The following FBXO11 variants were observed in gnomAD, a reference collection of about 807,000 sequenced individuals.
FBXO11 encodes the protein F-box only protein 11.
In FBXO11, 13 loss-of-function variants were observed where a neutral mutation model predicts 117.0. The observed-to-expected ratio is 0.11, with a 90% CI of 0.07 to 0.18. FBXO11 has a LOEUF of 0.18. Among genes scored for constraint, FBXO11 ranks in the 10% least tolerant of loss-of-function variants. The probability of loss-of-function intolerance (pLI) is 1.00; values close to 1 mark genes in which losing one functional copy is unlikely to be tolerated. For synonymous variants in FBXO11, 490 were observed against 380.5 expected (o/e 1.29, Z -3.35); for missense variants, 767 against 1,164.4 (o/e 0.66, Z 4.97).
chr2:47,872,577 G>T (rs1358776030), intron 1 of FBXO11, among the ~76,000 whole-genome samples: 1 of 152,204 alleles, frequency 6.6e-6, no homozygotes, highest in Non-Finnish European at 1.5e-5. Context: ...GCGTGCCTCG[G>T]CATCCCAAAG....
intron 1 of FBXO11, among the ~76,000 whole-genome samples, chr2:47,900,711 T>C (rs546606289): frequency 7.8e-6 from 1 of 128,534 alleles, no homozygotes; most frequent in African/African-American, 3.1e-5. Context: ...CACGTGTATA[T>C]ATATACACGT....
chr2:47,857,466 TATGCAACCAG>T (rs1674394361), intron 1 of FBXO11, among the ~76,000 whole-genome samples: 1 of 152,108 alleles, frequency 6.6e-6, no homozygotes, highest in South Asian at 2.1e-4. Context: ...CTATACTATA[TATGCAACCAG>T]ATCATGTGAG....
intron 1 of FBXO11, among the ~76,000 whole-genome samples, chr2:47,898,075 A>C (rs1677813651): frequency 6.6e-6 from 1 of 152,232 alleles, no homozygotes. Flanking sequence ...AAAAAGAACA[A>C]AACATTTAAC....
At chr2:47,901,128 C>CATATAT (rs1262333844) in intron 1 of FBXO11, among the ~76,000 whole-genome samples, 6 of 84,502 alleles carry the variant, frequency 7.1e-5, no homozygotes, top group African/African-American at 9.7e-5. Context: ...CACGTGTGTA[C>CATATAT]ATGTATATAT....
At chr2:47,897,561 G>C (rs1677767583) in intron 1 of FBXO11, among the ~76,000 whole-genome samples, 1 of 152,088 alleles carries the variant, frequency 6.6e-6, no homozygotes. Context: ...GCCAGGCATG[G>C]TGGTGTGCAC....
At chr2:47,833,240 A>G (rs1408027649) in intron 7 of FBXO11, among the ~76,000 whole-genome samples, 170 bp from the exon 8 acceptor site, 1 of 152,246 alleles carries the variant, frequency 6.6e-6, no homozygotes, top group Admixed American at 6.5e-5. Context: ...ATCCATGCAC[A>G]GTATTACTTC....
At chr2:47,851,493 C>T (rs1273099882) in intron 1 of FBXO11, among the ~76,000 whole-genome samples, 1 of 152,146 alleles carries the variant, frequency 6.6e-6, no homozygotes, top group East Asian at 1.9e-4. Context: ...TCCCAAAGTG[C>T]TGGGATTACA....
chr2:47,816,973 A>C (rs1173783194), intron 16 of FBXO11, among the ~76,000 whole-genome samples: 2 of 152,188 alleles, frequency 1.3e-5, no homozygotes, highest in Non-Finnish European at 2.9e-5. Context: ...ACCCTTAACA[A>C]GAGATCAGCT....
In FBXO11 at chr2:47,895,709, T is replaced by C. The variant is rs114929359; in HGVS notation, c.232+9780A>G. ...ATATAGTTTATGTTGTTGTTTTTTT[T>C]TGAGACAGAATTTCACTCTTTCACC... On this transcript the variant is annotated intron_variant, in intron 1 of 22. Coordinates refer to ENST00000403359, the MANE Select transcript of FBXO11 (RefSeq NM_001190274.2). Among the ~76,000 whole-genome samples the C allele has an allele frequency of 5.2e-3, 793 of 152,336 alleles. 2 individuals are homozygous for C. Among genetic ancestry groups the C allele is most frequent in the African/African-American group, 0.018 (739 of 41,572 alleles).
intron 1 of FBXO11, among the ~76,000 whole-genome samples, chr2:47,901,388 GA>G (rs1183122311): frequency 6.6e-6 from 1 of 150,628 alleles, no homozygotes; most frequent in African/African-American, 2.4e-5. Context: ...CCAATAACTA[GA>G]AAAAAAATAC....
chr2:47,905,158 T>TC (rs1558492415), intron 1 of FBXO11: 3 of 186,928 alleles, frequency 1.6e-5, no homozygotes, highest in South Asian at 1.9e-4. Flanking sequence ...CCGCTCGCCT[T>TC]CCCCCCGGCC....
chr2:47,823,374 A>G lies in FBXO11; in HGVS notation c.1399-14T>C. The G allele has an allele frequency of 6.4e-7, 1 of 1,564,876 alleles. No homozygotes were observed. ...TTCAAAGTAACCCTGAAAAATACAG[A>G]AATTAAATCTGTAGGTAAAGCCTAC... On this transcript the variant is annotated splice_polypyrimidine_tract_variant and intron_variant, in intron 11 of 22. Transcript: ENST00000403359.
At chr2:47,900,164 T>C (rs763150431) in intron 1 of FBXO11, among the ~76,000 whole-genome samples, 5 of 152,096 alleles carry the variant, frequency 3.3e-5, no homozygotes, top group African/African-American at 4.8e-5. Flanking sequence ...TTAACACTAA[T>C]AGCAACACTA....
intron 17 of FBXO11, 92 bp downstream of exon 17, chr2:47,813,699 C>T (rs372498244): frequency 1.9e-6 from 2 of 1,047,140 alleles, no homozygotes; most frequent in East Asian, 2.6e-5. Context: ...TCCCAAAGTG[C>T]TGGGATTACA....
chr2:47,838,479 G>GACCCAGT (rs1178744232), intron 4 of FBXO11, among the ~76,000 whole-genome samples: 1 of 152,100 alleles, frequency 6.6e-6, no homozygotes, highest in African/African-American at 2.4e-5. Flanking sequence ...CAAAGGGCAT[G>GACCCAGT]AATTATTTAA....
rs1678767446 is a variant in FBXO11, at chr2:47,905,803, G to C, written c.-83C>G. ...AGCTTCGGGGCAGGAGAAAGGGGTG[G>C]GGAGAGTGGGAGAGGGGGGAGGAAG... On this transcript the variant is annotated 5_prime_UTR_variant, in exon 1 of 23. Coordinates refer to ENST00000403359, the MANE Select transcript of FBXO11 (RefSeq NM_001190274.2). The C allele has an allele frequency of 1.6e-6, 2 of 1,277,262 alleles. No individual in the cohort carries two copies. Among genetic ancestry groups the C allele is most frequent in the South Asian group, 1.3e-5 (1 of 76,024 alleles). 79.1% of individuals were successfully genotyped at this position (1,277,262 alleles called of 1,614,324 possible).
chr2:47,817,275 G>A (rs1671071492), intron 16 of FBXO11, among the ~76,000 whole-genome samples: 1 of 152,212 alleles, frequency 6.6e-6, no homozygotes, highest in Non-Finnish European at 1.5e-5. Flanking sequence ...GAACTGAAGA[G>A]AGTTGGGTCC....
intron 16 of FBXO11, among the ~76,000 whole-genome samples, chr2:47,817,655 A>C (rs1286724988): frequency 6.6e-6 from 1 of 152,212 alleles, no homozygotes; most frequent in Non-Finnish European, 1.5e-5. Context: ...CAATACTTAT[A>C]GAGGCCATTT....
chr2:47,879,120 G>A (rs986719731), intron 1 of FBXO11, among the ~76,000 whole-genome samples: 3 of 152,074 alleles, frequency 2.0e-5, no homozygotes, highest in African/African-American at 7.2e-5. Flanking sequence ...TGCAGCCCCA[G>A]AATTTTGCCT....
Sources: gnomAD v4.1 joint callset for allele counts (sites outside exome capture counted in the v4.1 genomes callset) on GRCh38, gnomAD v4.1.1 for gene constraint, MANE v1.5 for transcripts, NCBI Gene and HGNC (gene_info 2026-07-23, HGNC 2026-07-21) for gene names.